RALYL: variants seen among roughly 807,000 people sequenced by gnomAD.
RALYL encodes RNA-binding Raly-like protein.
Under a neutral mutation model 35.1 loss-of-function variants are expected in RALYL, and 29 were observed. That is an observed-to-expected ratio of 0.83 (90% CI 0.61 to 1.13). The LOEUF is 1.13. Ranked by LOEUF, RALYL falls within the 50% of genes most tolerant of loss-of-function variation. The pLI is 0.00. For missense variants in RALYL, 359 were observed against 360.4 expected, an observed-to-expected ratio of 1.00 and a Z score of 0.03; for synonymous variants, 120 against 127.6, an observed-to-expected ratio of 0.94 and a Z score of 0.40.
chr8:84,240,456 C>T (rs1339382888), intron 1 of RALYL, among the ~76,000 whole-genome samples: 1 of 152,128 alleles, frequency 6.6e-6, no homozygotes, highest in African/African-American at 2.4e-5. Context: ...CTATTAAGTG[C>T]AACACTGTTA....
intron 2 of RALYL, among the ~76,000 whole-genome samples, chr8:84,729,962 G>A (rs566112623): frequency 2.6e-5 from 4 of 152,196 alleles, no homozygotes; most frequent in Admixed American, 1.3e-4. Flanking sequence ...GGTACAAGGA[G>A]GAACTGGTAC....
At chr8:84,419,706 C>G (rs958528785) in intron 1 of RALYL, among the ~76,000 whole-genome samples, 1 of 119,590 alleles carries the variant, frequency 8.4e-6, no homozygotes, top group Non-Finnish European at 1.7e-5. Flanking sequence ...CTCCCCCCAC[C>G]CCACAACAGT....
chr8:84,871,103 A>G (rs1372951884), intron 6 of RALYL, among the ~76,000 whole-genome samples: 1 of 152,146 alleles, frequency 6.6e-6, no homozygotes, highest in Admixed American at 6.5e-5. Context: ...TCCGTGTTAC[A>G]TTTCAACATT....
intron 4 of RALYL, among the ~76,000 whole-genome samples, chr8:84,835,794 C>T (rs1831900081): frequency 6.6e-6 from 1 of 151,022 alleles, no homozygotes; most frequent in Non-Finnish European, 1.5e-5. Flanking sequence ...ATCAGTTGAG[C>T]TAATGCAAAA....
At chr8:84,913,015 G>A (rs1448062211) in intron 8 of RALYL, among the ~76,000 whole-genome samples, 1 of 134,432 alleles carries the variant, frequency 7.4e-6, no homozygotes, top group African/African-American at 3.0e-5. Flanking sequence ...TGGATGGATG[G>A]ATGGATGGAT....
intron 2 of RALYL, among the ~76,000 whole-genome samples, chr8:84,587,749 T>C (rs1462927405): frequency 6.6e-6 from 1 of 152,222 alleles, no homozygotes; most frequent in East Asian, 1.9e-4. Flanking sequence ...AGACTTTCCA[T>C]GTGTCTCAGT....
At chr8:84,616,848 A>C (rs1297045193) in intron 2 of RALYL, among the ~76,000 whole-genome samples, 1 of 151,776 alleles carries the variant, frequency 6.6e-6, no homozygotes, top group Non-Finnish European at 1.5e-5. Context: ...TTAAGTAGGG[A>C]ATCCTTTCCC....
At chr8:84,593,050 C>G (rs1364189021) in intron 2 of RALYL, among the ~76,000 whole-genome samples, 1 of 152,054 alleles carries the variant, frequency 6.6e-6, no homozygotes, top group Non-Finnish European at 1.5e-5. Flanking sequence ...CAACATATGA[C>G]TGCTTTTTTC....
intron 1 of RALYL, among the ~76,000 whole-genome samples, chr8:84,394,861 T>C (rs1206299822): frequency 6.6e-6 from 1 of 151,976 alleles, no homozygotes; most frequent in African/African-American, 2.4e-5. Flanking sequence ...ATAGGAAGTG[T>C]GGTTTTTCTC....
chr8:84,399,885 C>G (rs1034930759), intron 1 of RALYL, among the ~76,000 whole-genome samples: 1 of 152,090 alleles, frequency 6.6e-6, no homozygotes. Flanking sequence ...TGGCTCATGC[C>G]GTGGGTGGAT....
chr8:84,636,056 T>A (rs1824990043), intron 2 of RALYL, among the ~76,000 whole-genome samples: 1 of 151,808 alleles, frequency 6.6e-6, no homozygotes, highest in Non-Finnish European at 1.5e-5. Flanking sequence ...TAATGTAAAG[T>A]GTCATTTTCC....
At chr8:84,481,251 T>C (rs1201804218) in intron 1 of RALYL, among the ~76,000 whole-genome samples, 1 of 152,216 alleles carries the variant, frequency 6.6e-6, no homozygotes, top group Non-Finnish European at 1.5e-5. Context: ...TTTTTTTGTA[T>C]ATTGACTTTG....
chr8:84,389,140 A>G (rs900811419), intron 1 of RALYL, among the ~76,000 whole-genome samples: 3 of 152,206 alleles, frequency 2.0e-5, no homozygotes, highest in African/African-American at 7.2e-5. Flanking sequence ...TTTGTCAAAG[A>G]TCAGATAGTT....
intron 8 of RALYL, among the ~76,000 whole-genome samples, chr8:84,893,920 T>C (rs143293166): frequency 2.0e-4 from 31 of 152,328 alleles, no homozygotes; most frequent in Non-Finnish European, 3.5e-4. Context: ...AACTGTGTAA[T>C]ACTTAGACAT....
At chr8:84,672,953 T>G (rs1833545531) in intron 2 of RALYL, among the ~76,000 whole-genome samples, 1 of 152,206 alleles carries the variant, frequency 6.6e-6, no homozygotes, top group Non-Finnish European at 1.5e-5. Flanking sequence ...GAATCTACAC[T>G]GTCTTCCACA....
intron 2 of RALYL, among the ~76,000 whole-genome samples, chr8:84,675,428 C>A (rs182467869): frequency 6.6e-6 from 1 of 151,812 alleles, no homozygotes; most frequent in Admixed American, 6.6e-5. Flanking sequence ...AGGAGATAGG[C>A]GAACTGAATG....
chr8:84,332,764 G>A lies in RALYL; in HGVS notation c.-24+148340G>A, dbSNP rs576133036. On this transcript the variant is annotated intron_variant, in intron 1 of 8. Coordinates refer to ENST00000521268, the MANE Select transcript of RALYL (RefSeq NM_173848.7). ...CATGAGCAGAGAAAGACTAATGGAA[G>A]TATGCCCAGATAGTGGCAGCAAAGA... 2.0e-5 allele frequency among the ~76,000 whole-genome samples: 3 copies of A among 152,218 alleles called. No individual in the cohort carries two copies. In the South Asian group the frequency reaches 6.2e-4, roughly 32 times the overall value.
At chr8:84,789,166 C>T (rs1820231754) in intron 3 of RALYL, among the ~76,000 whole-genome samples, 1 of 152,166 alleles carries the variant, frequency 6.6e-6, no homozygotes, top group South Asian at 2.1e-4. Flanking sequence ...ATCATCAATG[C>T]AGAGCAACAA....
At chr8:84,360,768 T>C (rs1418082190) in intron 1 of RALYL, among the ~76,000 whole-genome samples, 1 of 152,002 alleles carries the variant, frequency 6.6e-6, no homozygotes, top group Non-Finnish European at 1.5e-5. Flanking sequence ...CCTGCAGGCA[T>C]TGAGTGTGGG....
Sources: gnomAD v4.1 joint callset for allele counts (sites outside exome capture counted in the v4.1 genomes callset) on GRCh38, gnomAD v4.1.1 for gene constraint, MANE v1.5 for transcripts, NCBI Gene and HGNC (gene_info 2026-07-23, HGNC 2026-07-21) for gene names.